SSR3: variants seen among roughly 807,000 people sequenced by gnomAD.
SSR3 encodes signal sequence receptor subunit 3.
SSR3 carries 10 observed loss-of-function variants against 22.1 expected under a neutral mutation model. That is an observed-to-expected ratio of 0.45 (90% CI 0.28 to 0.77). SSR3 has a LOEUF of 0.77. Among genes scored for constraint, SSR3 ranks in the 30% least tolerant of loss-of-function variants. The probability of loss-of-function intolerance (pLI) is 0.13; values close to 1 mark genes in which losing one functional copy is unlikely to be tolerated. For missense variants in SSR3, 181 were observed against 220.5 expected (o/e 0.82, Z 1.13); for synonymous variants, 104 against 82.5 (o/e 1.26, Z -1.42).
At position 156,541,014 on chromosome 3, in the gene SSR3, A is replaced by C. The variant is rs978989439; in HGVS notation, c.*2189T>G. The C allele has an allele frequency of 5.9e-5, 9 of 151,822 alleles. No homozygotes were observed. The highest frequency in any genetic ancestry group is 2.2e-4 in the African/African-American group (9 of 41,334). The allele number at this position is 151,822 out of a possible 1,614,324, so 9.4% of individuals were successfully genotyped here. ...CACAGAAATGTATCTATTAGTACAG[A>C]AAGTTGGAAAACATCAAGATTAAAA... is the stretch of plus-strand genomic sequence containing the variant. On this transcript the variant is annotated 3_prime_UTR_variant, in exon 5 of 5. Coordinates refer to ENST00000265044, the MANE Select transcript of SSR3 (RefSeq NM_007107.5).
intron 3 of SSR3, among the ~76,000 whole-genome samples, chr3:156,547,919 AG>A (rs1719817680): frequency 6.6e-6 from 1 of 152,172 alleles, no homozygotes; most frequent in Non-Finnish European, 1.5e-5. Context: ...ACTAACTCTA[AG>A]GTACTTGCTC....
At chr3:156,549,915 A>G (rs1336294677) in intron 2 of SSR3, among the ~76,000 whole-genome samples, 1 of 152,226 alleles carries the variant, frequency 6.6e-6, no homozygotes, top group African/African-American at 2.4e-5. Context: ...TTTAAGAGAC[A>G]CTTTAGGACA....
Position 156,554,994 on chromosome 3 carries a change from G to A in SSR3, c.96C>T (p.Phe32=), listed in dbSNP as rs1348980285. ...CAGACACGATGAACGCGTTTCCGAA[G>A]AAGAGCGCGGAGGACTTGGCCGAGA... is the stretch of plus-strand genomic sequence containing the variant. ...RNLSAKSSAL[F]FGNAFIVSAI... The change falls in exon 1 of 5, where the codon TTC becomes TTT. Residue 32 remains phenylalanine, a synonymous_variant. Transcript: ENST00000265044. The A allele has an allele frequency of 1.9e-6, 3 of 1,614,052 alleles. No homozygotes were observed. The highest frequency in any genetic ancestry group is 2.5e-6 in the Non-Finnish European group (3 of 1,179,954).
chr3:156,540,801 T>G lies in SSR3; in HGVS notation c.*2402A>C, dbSNP rs1463347387. ...ATGGGTGCTGGGTATGTGGTCTTTTTAAGACAAAAATTCTACAGCATGGTT... is the reference window on the plus strand; with the variant it reads ...ATGGGTGCTGGGTATGTGGTCTTTTGAAGACAAAAATTCTACAGCATGGTT... On this transcript the variant is annotated 3_prime_UTR_variant, in exon 5 of 5. Coordinates refer to ENST00000265044, the MANE Select transcript of SSR3 (RefSeq NM_007107.5). 6.6e-6 allele frequency: 1 copy of G among 152,156 alleles called. No individual in the cohort carries two copies. The highest frequency in any genetic ancestry group is 1.5e-5 in the Non-Finnish European group (1 of 68,008). The allele number at this position is 152,156 out of a possible 1,614,324, so 9.4% of individuals were successfully genotyped here. A position where few individuals can be genotyped will look rare whatever the true frequency, so the allele number is the denominator to read the frequency against.
At position 156,540,998 on chromosome 3, in the gene SSR3, G is replaced by A. The variant is rs1282838371; in HGVS notation, c.*2205C>T. The stretch of plus-strand genomic sequence containing the variant: ...GCTTTATAATCTTATGCACAGAAAT[G>A]TATCTATTAGTACAGAAAGTTGGAA... On this transcript the variant is annotated 3_prime_UTR_variant, in exon 5 of 5. Coordinates refer to ENST00000265044, the MANE Select transcript of SSR3 (RefSeq NM_007107.5). 1.3e-5 allele frequency: 2 copies of A among 152,176 alleles called. No homozygotes were observed. The highest frequency in any genetic ancestry group is 4.8e-5 in the African/African-American group (2 of 41,436). The allele number at this position is 152,176 out of a possible 1,614,324, so 9.4% of individuals were successfully genotyped here.
At chr3:156,551,805 G>C (rs1719966966) in intron 2 of SSR3, among the ~76,000 whole-genome samples, 1 of 152,154 alleles carries the variant, frequency 6.6e-6, no homozygotes. Flanking sequence ...CCTAGGTCTA[G>C]AAATAAAACA....
At chr3:156,544,844 C>T (rs1719704458) in intron 3 of SSR3, among the ~76,000 whole-genome samples, 1 of 152,122 alleles carries the variant, frequency 6.6e-6, no homozygotes, top group Non-Finnish European at 1.5e-5. Context: ...CTACAGCCTA[C>T]GGATTTCAGA....
chr3:156,553,712 A>T lies in SSR3; in HGVS notation c.203T>A (p.Val68Glu). 1.2e-6 allele frequency: 2 copies of T among 1,613,034 alleles called. No homozygotes were observed. The highest frequency in any genetic ancestry group is 1.7e-6 in the Non-Finnish European group (2 of 1,179,926). ...SAVLYSVMTL[V>E]STYLVAFAYK... ...TGCAAAGGCTACCAAATATGTGCTT[A>T]CTAGGGTCATCACACTATACAAAAC... The change falls in exon 2 of 5, where the codon GTA (valine) becomes GAA (glutamate). Residue 68 changes from valine (V) to glutamate (E), a missense_variant. Val to Glu is a moderately radical substitution (Grantham distance 121, BLOSUM62 -2). Coordinates refer to ENST00000265044, the MANE Select transcript of SSR3 (RefSeq NM_007107.5).
At chr3:156,552,690 A>T (rs1250592989) in intron 2 of SSR3, among the ~76,000 whole-genome samples, 4 of 152,236 alleles carry the variant, frequency 2.6e-5, no homozygotes, top group Non-Finnish European at 5.9e-5. Flanking sequence ...GAAGGAGGGA[A>T]ATAATCCTGC....
rs542372385 is a variant in SSR3 at position 156,547,123 on chromosome 3, A to G, written c.359+1782T>C. Among the ~76,000 whole-genome samples the G allele has an allele frequency of 2.6e-5, 4 of 152,282 alleles. No homozygotes were observed. In the East Asian group the frequency reaches 7.7e-4, roughly 29 times the overall value. On this transcript the variant is annotated intron_variant, in intron 3 of 4. Coordinates refer to ENST00000265044, the MANE Select transcript of SSR3 (RefSeq NM_007107.5). ...TGGAAATAAAAACAGCCAAATTTCT[A>G]CCAATGAAAAGAAGAGAAATTTTAT... is the stretch of plus-strand genomic sequence containing the variant.
intron 3 of SSR3, among the ~76,000 whole-genome samples, chr3:156,548,257 G>GA (rs1324438790): frequency 6.6e-6 from 1 of 152,168 alleles, no homozygotes; most frequent in East Asian, 1.9e-4. Context: ...GCAGCCGGCA[G>GA]AAAAAATTGG....
intron 2 of SSR3, among the ~76,000 whole-genome samples, chr3:156,551,109 G>C (rs1342336584): frequency 6.6e-6 from 1 of 151,994 alleles, no homozygotes; most frequent in Non-Finnish European, 1.5e-5. Flanking sequence ...AAAGTCAGTA[G>C]CATATTTAAT....
chr3:156,545,225 C>T (rs889786230), intron 3 of SSR3, among the ~76,000 whole-genome samples: 2 of 151,892 alleles, frequency 1.3e-5, no homozygotes, highest in African/African-American at 4.8e-5. Context: ...TCAAGTGGAT[C>T]GAATGCCCAT....
chr3:156,542,797 C>T lies in SSR3; in HGVS notation c.*406G>A, dbSNP rs894477878. On this transcript the variant is annotated 3_prime_UTR_variant, in exon 5 of 5. Coordinates refer to ENST00000265044, the MANE Select transcript of SSR3 (RefSeq NM_007107.5). ...GGAAGAGGATTCATTCTGATATTTA[C>T]GGTTCAAAAGAAGTTGTAATATTGT... The T allele has an allele frequency of 1.8e-5, 3 of 166,376 alleles. No homozygotes were observed. Among genetic ancestry groups the T allele is most frequent in the Non-Finnish European group, 2.6e-5 (2 of 78,132 alleles). The allele number at this position is 166,376 out of a possible 1,614,324, so 10.3% of individuals were successfully genotyped here. A position where few individuals can be genotyped will look rare whatever the true frequency, so the allele number is the denominator to read the frequency against.
chr3:156,552,739 A>C (rs1720007472), intron 2 of SSR3, among the ~76,000 whole-genome samples: 1 of 152,236 alleles, frequency 6.6e-6, no homozygotes, highest in African/African-American at 2.4e-5. Flanking sequence ...TGAAAGCAAC[A>C]TCAAAGGGCG....
chr3:156,548,450 A>C (rs1176996993), intron 3 of SSR3, among the ~76,000 whole-genome samples: 1 of 152,228 alleles, frequency 6.6e-6, no homozygotes, highest in African/African-American at 2.4e-5. Context: ...GTTAGGCGAT[A>C]TGTTCAAGGT....
chr3:156,547,978 GTTAC>G (rs1236036609), intron 3 of SSR3, among the ~76,000 whole-genome samples: 2 of 152,166 alleles, frequency 1.3e-5, no homozygotes, highest in African/African-American at 4.8e-5. Context: ...TTAAAAGTGT[GTTAC>G]TTGTTTTATA....
At chr3:156,553,929 A>G in intron 1 of SSR3, 148 bp from the exon 2 acceptor site, 1 of 707,138 alleles carries the variant, frequency 1.4e-6, no homozygotes. Flanking sequence ...GATCTTCAGA[A>G]GCGAGATAAC....
chr3:156,548,913 T>G lies in SSR3; in HGVS notation c.351A>C (p.Lys117Asn). 1 of 1,613,480 alleles carries G rather than the reference T, an allele frequency of 6.2e-7. No individual in the cohort carries two copies. The highest frequency in any genetic ancestry group is 8.5e-7 in the Non-Finnish European group (1 of 1,179,872). The stretch of plus-strand genomic sequence containing the variant: ...TTAAACAGGAGTCAAACCTTTCATC[T>G]TTCTCCTTCCGAGACATCTTTCTAT... The part of the protein sequence containing the change: ...ADNRKMSRKE[K>N]DERILWKKNE... The change falls in exon 3 of 5, where the codon AAA becomes AAC. Residue 117 changes from lysine (K) to asparagine (N), a missense_variant. By Grantham distance (94) the Lys-to-Asn change is moderately conservative (BLOSUM62 0). Transcript: ENST00000265044.
Sources: allele counts gnomAD v4.1 joint callset (sites outside exome capture counted in the v4.1 genomes callset), GRCh38; gene constraint gnomAD v4.1.1; transcripts MANE v1.5; gene names NCBI Gene and HGNC (gene_info 2026-07-23, HGNC 2026-07-21).